SFRP1: variants seen among roughly 807,000 people sequenced by gnomAD.
SFRP1 encodes secreted frizzled-related protein 1.
SFRP1 carries 9 observed loss-of-function variants against 25.9 expected under a neutral mutation model. The ratio of observed to expected loss-of-function variants is 0.35; its 90% CI spans 0.21 to 0.61. The LOEUF (loss-of-function observed/expected upper bound fraction) is 0.61. Among genes scored for constraint, SFRP1 ranks in the 20% least tolerant of loss-of-function variants. SFRP1 has a pLI of 0.78. For missense variants in SFRP1, 346 were observed against 418.2 expected (o/e 0.83, Z 1.51); for synonymous variants, 178 against 174.0 (o/e 1.02, Z -0.18).
At chr8:41,285,925 G>A (rs943867672) in intron 2 of SFRP1, among the ~76,000 whole-genome samples, 7 of 151,750 alleles carry the variant, frequency 4.6e-5, no homozygotes, top group African/African-American at 1.7e-4. Context: ...GAGTTTTGGG[G>A]TATGGGTCCC....
At chr8:41,305,096 A>C (rs1395785195) in intron 1 of SFRP1, among the ~76,000 whole-genome samples, 2 of 152,204 alleles carry the variant, frequency 1.3e-5, no homozygotes, top group Non-Finnish European at 2.9e-5. Context: ...AAGTGTGACA[A>C]TATGGAAAGG....
At chr8:41,306,841 G>C in intron 1 of SFRP1, 1 of 1,597,970 alleles carries the variant, frequency 6.3e-7, no homozygotes, top group Non-Finnish European at 8.5e-7. Flanking sequence ...AGCGATTATG[G>C]GGTTTCCCCA....
intron 2 of SFRP1, chr8:41,271,394 A>AAG (rs1803504471): frequency 6.5e-6 from 1 of 153,444 alleles, no homozygotes; most frequent in African/African-American, 2.4e-5. Flanking sequence ...AAAAAAAAAA[A>AAG]CTTTTCACTT....
intron 2 of SFRP1, among the ~76,000 whole-genome samples, chr8:41,268,887 C>T (rs188891314): frequency 2.7e-3 from 415 of 152,360 alleles, no homozygotes; most frequent in Middle Eastern, 0.01. Flanking sequence ...TGCCCATGGC[C>T]TGAATTTGCA....
In SFRP1 at chr8:41,271,897, T is replaced by C. The variant is rs189130286; in HGVS notation, c.623-6408A>G. ...GAAGATCAGCTGAGTCTGGGGAGAT[T>C]GAGGCTGCAGTGAGCTATGACTGCA... On this transcript the variant is annotated intron_variant, in intron 2 of 2. Coordinates refer to ENST00000220772, the MANE Select transcript of SFRP1 (RefSeq NM_003012.5). 5.5e-3 allele frequency among the ~76,000 whole-genome samples: 830 copies of C among 152,078 alleles called. 7 individuals carry two copies. The highest frequency in any genetic ancestry group is 0.018 in the African/African-American group (749 of 41,500).
chr8:41,287,720 C>T (rs1484841722), intron 2 of SFRP1, among the ~76,000 whole-genome samples: 1 of 152,224 alleles, frequency 6.6e-6, no homozygotes, highest in African/African-American at 2.4e-5. Flanking sequence ...CTGAGAAATA[C>T]ATTACCATTA....
At chr8:41,282,904 G>A (rs914164153) in intron 2 of SFRP1, among the ~76,000 whole-genome samples, 7 of 151,994 alleles carry the variant, frequency 4.6e-5, no homozygotes, top group African/African-American at 1.4e-4. Context: ...TGCACTGATC[G>A]GGCCAAAATA....
At chr8:41,293,927 T>C (rs1173085779) in intron 2 of SFRP1, among the ~76,000 whole-genome samples, 2 of 118,466 alleles carry the variant, frequency 1.7e-5, no homozygotes, top group Non-Finnish European at 3.7e-5. Context: ...ATCTGGCTAC[T>C]TTTTTTTTTT....
At chr8:41,307,041 G>A (rs940601467) in intron 1 of SFRP1, 36 of 1,429,980 alleles carry the variant, frequency 2.5e-5, no homozygotes, top group Non-Finnish European at 3.1e-5. Context: ...ATGGACTCCA[G>A]GTCAGGGCTG....
chr8:41,292,865 A>G (rs1302351739), intron 2 of SFRP1, among the ~76,000 whole-genome samples: 1 of 152,252 alleles, frequency 6.6e-6, no homozygotes, highest in Non-Finnish European at 1.5e-5. Flanking sequence ...ATGTGTGTTA[A>G]GAGTAAAGAC....
chr8:41,287,262 T>C (rs1803716787), intron 2 of SFRP1, among the ~76,000 whole-genome samples: 1 of 152,170 alleles, frequency 6.6e-6, no homozygotes, highest in Admixed American at 6.5e-5. Flanking sequence ...GGGAAGAGAA[T>C]GGCCAGGCCC....
intron 2 of SFRP1, among the ~76,000 whole-genome samples, chr8:41,268,209 C>T (rs1051544407): frequency 2.0e-5 from 3 of 152,064 alleles, no homozygotes; most frequent in South Asian, 2.1e-4. Flanking sequence ...GTTTAATACT[C>T]GCAGCAACCA....
chr8:41,296,376 CTAAACA>C (rs1040499276), intron 2 of SFRP1, among the ~76,000 whole-genome samples: 1 of 152,094 alleles, frequency 6.6e-6, no homozygotes, highest in African/African-American at 2.4e-5. Context: ...TCCTGAAAGA[CTAAACA>C]AAGATTTCAA....
intron 2 of SFRP1, among the ~76,000 whole-genome samples, chr8:41,279,452 A>G (rs1442464845): frequency 6.6e-6 from 1 of 152,132 alleles, no homozygotes; most frequent in African/African-American, 2.4e-5. Flanking sequence ...CAGTTTCTAG[A>G]TGTCTGGGAG....
At chr8:41,267,358 G>A (rs950839501) in intron 2 of SFRP1, among the ~76,000 whole-genome samples, 6 of 152,172 alleles carry the variant, frequency 3.9e-5, no homozygotes, top group Non-Finnish European at 5.9e-5. Flanking sequence ...CTCTATAAAC[G>A]AAGCAGACTG....
intron 2 of SFRP1, among the ~76,000 whole-genome samples, chr8:41,276,248 CAT>C (rs939481926): frequency 6.6e-6 from 1 of 152,228 alleles, no homozygotes; most frequent in Non-Finnish European, 1.5e-5. Flanking sequence ...CCAGATCACA[CAT>C]GTCTTGGGTA....
At chr8:41,306,745 A>G in intron 1 of SFRP1, 1 of 1,597,942 alleles carries the variant, frequency 6.3e-7, no homozygotes, top group East Asian at 2.2e-5. Context: ...GGAGGAGTGG[A>G]GGTGAGTGAG....
chr8:41,308,884 C>T lies in SFRP1; in HGVS notation c.276G>A (p.Gln92=). 1 of 1,611,402 alleles carries T rather than the reference C, an allele frequency of 6.2e-7. No individual in the cohort carries two copies. Among genetic ancestry groups the T allele is most frequent in the Non-Finnish European group, 8.5e-7 (1 of 1,179,724 alleles). ...GCAGGGGCACCCAGCTGCTGGCCTG[C>T]TGCTTCACCTCCGCCATGGTCTCGT... The part of the protein sequence containing the change: ...LEHETMAEVK[Q]QASSWVPLLN... The change falls in exon 1 of 3, where the codon CAG becomes CAA. Residue 92 remains glutamine (Q), a synonymous_variant. Transcript: ENST00000220772.
chr8:41,308,789 C>T lies in SFRP1; in HGVS notation c.371G>A (p.Arg124Gln). 1 of 1,610,962 alleles carries T rather than the reference C, an allele frequency of 6.2e-7. No individual in the cohort carries two copies. The highest frequency in any genetic ancestry group is 8.5e-7 in the Non-Finnish European group (1 of 1,179,028). Reference protein sequence around the residue: ...CSLFAPVCLDRPIYPCRWLCE... With the variant: ...CSLFAPVCLDQPIYPCRWLCE... ...GAGCCAGCGACACGGGTAGATGGGC[C>T]GGTCCAGGCAGACGGGCGCGAAGAG... Residue 124 changes from arginine (R) to glutamine (Q), a missense_variant, in exon 1 of 3, where the codon CGG becomes CAG. Coordinates refer to ENST00000220772, the MANE Select transcript of SFRP1 (RefSeq NM_003012.5).
Sources: allele counts gnomAD v4.1 joint callset (sites outside exome capture counted in the v4.1 genomes callset), GRCh38; gene constraint gnomAD v4.1.1; transcripts MANE v1.5; gene names NCBI Gene and HGNC (gene_info 2026-07-23, HGNC 2026-07-21).